IL18R1: variants seen among roughly 807,000 people sequenced by gnomAD.
The protein encoded by IL18R1 is interleukin 18 receptor 1, also known as interleukin-18 receptor 1.
IL18R1 carries 40 observed loss-of-function variants against 48.5 expected under a neutral mutation model. The observed-to-expected ratio is 0.82, with a 90% CI of 0.64 to 1.07. IL18R1 has a LOEUF of 1.07. Ranked by LOEUF, IL18R1 falls within the 50% of genes least tolerant of loss-of-function variation. IL18R1 has a pLI of 0.00. For missense variants in IL18R1, 596 were observed against 633.7 expected, an observed-to-expected ratio of 0.94 and a Z score of 0.64; for synonymous variants, 232 against 225.9, an observed-to-expected ratio of 1.03 and a Z score of -0.24.
Position 102,386,944 on chromosome 2 carries a change from G to T in IL18R1, c.893G>T (p.Cys298Phe). ...AGCAATCTAAATGTTTTATATAATT[G>T]CACTGTGGCCAGCACGGGAGGCACA... is the stretch of plus-strand genomic sequence containing the variant. ...GESNLNVLYN[C>F]TVASTGGTDT... The change falls in exon 8 of 11, where the codon TGC becomes TTC. Residue 298 changes from cysteine to phenylalanine, a missense_variant. Cys to Phe is a radical substitution (Grantham distance 205). This residue lies in a region of IL18R1 where 57 missense variants were observed against 88.2 expected (regional missense o/e 0.65). Transcript: ENST00000233957. 1 of 1,613,924 alleles carries T rather than the reference G, an allele frequency of 6.2e-7. No individual in the cohort carries two copies. Among genetic ancestry groups the T allele is most frequent in the Non-Finnish European group, 8.5e-7 (1 of 1,179,804 alleles).
intron 2 of IL18R1, among the ~76,000 whole-genome samples, chr2:102,366,984 G>T (rs1678937300): frequency 6.6e-6 from 1 of 152,180 alleles, no homozygotes; most frequent in Non-Finnish European, 1.5e-5. Context: ...TAAGGGAAAT[G>T]TTTCGTTCAG....
rs531552155 is a variant in IL18R1, at chr2:102,380,636, T to C, written c.626-984T>C. On this transcript the variant is annotated intron_variant, in intron 5 of 10. Coordinates refer to ENST00000233957, the MANE Select transcript of IL18R1 (RefSeq NM_003855.5). Reference sequence around the variant, plus strand: ...TCATTCTCCTGTTCTTGCTCACATATCTGCCCACTGCATTCTCAACTGCTC... The same window carrying C: ...TCATTCTCCTGTTCTTGCTCACATACCTGCCCACTGCATTCTCAACTGCTC... Among the ~76,000 whole-genome samples, 11 of 152,296 alleles carry C rather than the reference T, an allele frequency of 7.2e-5. No homozygotes were observed. In the South Asian group the frequency reaches 2.3e-3, roughly 32 times the overall value.
intron 1 of IL18R1, among the ~76,000 whole-genome samples, chr2:102,360,011 G>T (rs1449330119): frequency 6.6e-6 from 1 of 152,172 alleles, no homozygotes; most frequent in Non-Finnish European, 1.5e-5. Flanking sequence ...TCGGTTAGCT[G>T]GTTGAAGGTA....
intron 4 of IL18R1, among the ~76,000 whole-genome samples, chr2:102,375,471 A>G (rs1455918353): frequency 6.6e-6 from 1 of 152,162 alleles, no homozygotes; most frequent in Non-Finnish European, 1.5e-5. Context: ...CACCCATCCC[A>G]CTATCCACCC....
chr2:102,357,209 GGA>G (rs1678300644), intron 1 of IL18R1, among the ~76,000 whole-genome samples: 1 of 152,152 alleles, frequency 6.6e-6, no homozygotes, highest in Admixed American at 6.5e-5. Flanking sequence ...CTAAGGCCTA[GGA>G]ATGTGGATTG....
chr2:102,362,714 T>A lies in IL18R1; in HGVS notation c.54T>A (p.Thr18=), dbSNP rs746338663. Reference sequence around the variant, plus strand: ...TTTGGGTGCTTATATCTGTAAGCACTGCAGGTAAGTGATTATACATACTCT... The same window carrying A: ...TTTGGGTGCTTATATCTGTAAGCACAGCAGGTAAGTGATTATACATACTCT... ...LTLWVLISVS[T]AESCTSRPHI... Residue 18 remains threonine (T), a synonymous_variant, in exon 2 of 11, where the codon ACT becomes ACA. Transcript: ENST00000233957. 3 of 1,556,276 alleles carry A rather than the reference T, an allele frequency of 1.9e-6. No individual in the cohort carries two copies. The highest frequency in any genetic ancestry group is 1.1e-5 in the South Asian group (1 of 87,722).
chr2:102,365,404 C>T (rs1678831521), intron 2 of IL18R1, among the ~76,000 whole-genome samples: 1 of 152,210 alleles, frequency 6.6e-6, no homozygotes, highest in Admixed American at 6.5e-5. Context: ...ATATCCAGGT[C>T]ACGCTGCTGC....
chr2:102,380,094 G>A (rs752609981), intron 5 of IL18R1, among the ~76,000 whole-genome samples: 1 of 152,152 alleles, frequency 6.6e-6, no homozygotes, highest in African/African-American at 2.4e-5. Context: ...GGCTGATCGG[G>A]TGGCGTCTCC....
At chr2:102,374,641 G>A (rs1191538898) in intron 4 of IL18R1, among the ~76,000 whole-genome samples, 1 of 152,106 alleles carries the variant, frequency 6.6e-6, no homozygotes, top group South Asian at 2.1e-4. Context: ...AGCTGGGTGT[G>A]GTGGCACATG....
intron 9 of IL18R1, among the ~76,000 whole-genome samples, chr2:102,392,994 G>A (rs1012773928): frequency 6.6e-6 from 1 of 152,098 alleles, no homozygotes; most frequent in Non-Finnish European, 1.5e-5. Context: ...GAATTTGAAA[G>A]CAATTAATAG....
chr2:102,375,236 C>G (rs1400888678), intron 4 of IL18R1, among the ~76,000 whole-genome samples: 1 of 152,132 alleles, frequency 6.6e-6, no homozygotes, highest in Non-Finnish European at 1.5e-5. Context: ...GCTCTGGGAC[C>G]TACCTCTGGG....
chr2:102,358,216 C>T (rs2105018602), intron 1 of IL18R1, among the ~76,000 whole-genome samples: 1 of 152,226 alleles, frequency 6.6e-6, no homozygotes, highest in Admixed American at 6.5e-5. Flanking sequence ...TTTCCCTGTA[C>T]ATTATGTGTT....
At position 102,398,741 on chromosome 2, in the gene IL18R1, G is replaced by T. The variant is rs1372987541; in HGVS notation, c.*1855G>T. 2.6e-5 allele frequency: 4 copies of T among 152,300 alleles called. No individual in the cohort carries two copies. The highest frequency in any genetic ancestry group is 9.7e-5 in the African/African-American group (4 of 41,430). The allele number at this position is 152,300 out of a possible 1,614,324, so 9.4% of individuals were successfully genotyped here. A position where few individuals can be genotyped will look rare whatever the true frequency, so the allele number is the denominator to read the frequency against. On this transcript the variant is annotated 3_prime_UTR_variant, in exon 11 of 11. Transcript: ENST00000233957. ...ATACATTAGATGTGTGTTTTAAAAT[G>T]CATAAAACACGTTGAAATACATTAA... is the stretch of plus-strand genomic sequence containing the variant.
intron 5 of IL18R1, 56 bp downstream of exon 5, chr2:102,376,119 T>G: frequency 7.0e-7 from 1 of 1,421,320 alleles, no homozygotes; most frequent in Non-Finnish European, 9.4e-7. Flanking sequence ...AAATGGAATT[T>G]TTTCATTCTT....
chr2:102,358,333 G>A (rs1231341841), intron 1 of IL18R1, among the ~76,000 whole-genome samples: 1 of 152,208 alleles, frequency 6.6e-6, no homozygotes, highest in Admixed American at 6.5e-5. Flanking sequence ...CCCTCTGGAA[G>A]GGCTTTTTAC....
intron 1 of IL18R1, among the ~76,000 whole-genome samples, chr2:102,357,277 G>A (rs772090501): frequency 6.6e-6 from 1 of 152,090 alleles, no homozygotes; most frequent in Non-Finnish European, 1.5e-5. Context: ...GGATCATGAG[G>A]TCAGGAGATC....
At chr2:102,376,479 T>C (rs1169205115) in intron 5 of IL18R1, among the ~76,000 whole-genome samples, 1 of 152,228 alleles carries the variant, frequency 6.6e-6, no homozygotes, top group South Asian at 2.1e-4. Context: ...GGGATTTGAT[T>C]CTAATCAGGA....
At chr2:102,372,249 G>A (rs956305800) in intron 4 of IL18R1, 131 bp downstream of exon 4, 79 of 654,290 alleles carry the variant, frequency 1.2e-4, no homozygotes, top group Non-Finnish European at 1.8e-4. Flanking sequence ...CACTTGCCCT[G>A]TTTGAGCCAA....
chr2:102,363,393 A>T (rs1678700624), intron 2 of IL18R1, among the ~76,000 whole-genome samples: 1 of 152,156 alleles, frequency 6.6e-6, no homozygotes, highest in Admixed American at 6.5e-5. Context: ...GAGATAGCTG[A>T]ATTAAGCTTT....
Sources: gnomAD v4.1 joint callset for allele counts (sites outside exome capture counted in the v4.1 genomes callset) on GRCh38, gnomAD v4.1.1 for gene constraint, gnomAD v4.1.1 regional missense constraint, MANE v1.5 for transcripts, NCBI Gene and HGNC (gene_info 2026-07-23, HGNC 2026-07-21) for gene names.